PLD5: variants seen among roughly 807,000 people sequenced by gnomAD.
The protein encoded by PLD5 is phospholipase D family member 5.
A neutral mutation model predicts 61.1 loss-of-function variants in PLD5; 36 were observed. The ratio of observed to expected loss-of-function variants is 0.59; its 90% CI spans 0.45 to 0.78. The LOEUF is 0.78. Among genes scored for constraint, PLD5 ranks in the 30% least tolerant of loss-of-function variants. The pLI is 0.00. For synonymous variants in PLD5, 243 were observed against 242.8 expected (o/e 1.00, Z -0.01); for missense variants, 515 against 644.4 (o/e 0.80, Z 2.17).
At position 242,435,173 on chromosome 1, in the gene PLD5, T is replaced by C. The variant is rs1243968711; in HGVS notation, c.190-86931A>G. Among the ~76,000 whole-genome samples, 3 of 152,140 alleles carry C rather than the reference T, an allele frequency of 2.0e-5. 1 individual carries two copies. Among genetic ancestry groups the C allele is most frequent in the African/African-American group, 7.2e-5 (3 of 41,422 alleles). ...CCAAAGTATTCATGGATTTCCTATT[T>C]GCGAATTCACCTACTTGCCAAAATT... On this transcript the variant is annotated intron_variant, in intron 1 of 9. Coordinates refer to ENST00000536534, the MANE Select transcript of PLD5 (RefSeq NM_001372062.1).
intron 4 of PLD5, among the ~76,000 whole-genome samples, chr1:242,242,123 G>A (rs772752619): frequency 1.3e-5 from 2 of 150,952 alleles, no homozygotes; most frequent in Non-Finnish European, 2.9e-5. Flanking sequence ...AGTCATTTCC[G>A]TCAGTACCTC....
At chr1:242,459,293 C>T (rs1312912117) in intron 1 of PLD5, among the ~76,000 whole-genome samples, 1 of 152,200 alleles carries the variant, frequency 6.6e-6, no homozygotes, top group Non-Finnish European at 1.5e-5. Context: ...CATAAGCAAG[C>T]TAAAAGAACA....
At chr1:242,204,186 T>C (rs1030351521) in intron 5 of PLD5, among the ~76,000 whole-genome samples, 4 of 151,406 alleles carry the variant, frequency 2.6e-5, no homozygotes, top group African/African-American at 9.7e-5. Flanking sequence ...AAGCTTGCAG[T>C]GAGCTGAGAT....
intron 5 of PLD5, among the ~76,000 whole-genome samples, chr1:242,148,278 C>T (rs972986284): frequency 1.1e-5 from 1 of 94,798 alleles, no homozygotes; most frequent in African/African-American, 3.4e-5. Flanking sequence ...ATCGGCTTTG[C>T]ACCTTTGTTA....
intron 5 of PLD5, among the ~76,000 whole-genome samples, chr1:242,161,514 CTCTT>C (rs1665826573): frequency 6.6e-6 from 1 of 151,986 alleles, no homozygotes; most frequent in African/African-American, 2.4e-5. Flanking sequence ...ATGTATGTTT[CTCTT>C]TAAGTTTCCT....
At chr1:242,091,832 C>CTTTTTTTTTTTTTTTTT (rs750237371) in intron 9 of PLD5, among the ~76,000 whole-genome samples, 1 of 123,434 alleles carries the variant, frequency 8.1e-6, no homozygotes, top group Non-Finnish European at 1.7e-5. Flanking sequence ...TTCTTTTTTT[C>CTTTTTTTTTTTTTTTTT]TTTTTTTTTT....
chr1:242,168,848 T>TTTTTTTTTG (rs1491022517), intron 5 of PLD5, among the ~76,000 whole-genome samples: 3 of 70,098 alleles, frequency 4.3e-5, no homozygotes, highest in Admixed American at 1.4e-4. Context: ...TTAATGAAGT[T>TTTTTTTTTG]TTTTTTTTTT....
In PLD5 at chr1:242,083,210, C is replaced by T. The variant is rs1659330688; in HGVS notation, c.*6644G>A. 6.6e-6 allele frequency: 1 copy of T among 152,188 alleles called. No homozygotes were observed. Among genetic ancestry groups the T allele is most frequent in the South Asian group, 2.1e-4 (1 of 4,824 alleles). 9.4% of individuals were successfully genotyped at this position (152,188 alleles called of 1,614,324 possible). A position where few individuals can be genotyped will look rare whatever the true frequency, so the allele number is the denominator to read the frequency against. ...ATTACGGTGACTGTGTCTATTCTGGCTGTGCTTCCTATTCATCATTTACTT... is the reference window on the plus strand; with the variant it reads ...ATTACGGTGACTGTGTCTATTCTGGTTGTGCTTCCTATTCATCATTTACTT... On this transcript the variant is annotated 3_prime_UTR_variant, in exon 10 of 10. Coordinates refer to ENST00000536534, the MANE Select transcript of PLD5 (RefSeq NM_001372062.1).
At chr1:242,275,600 AAGG>A (rs1424537830) in intron 3 of PLD5, among the ~76,000 whole-genome samples, 2 of 152,212 alleles carry the variant, frequency 1.3e-5, no homozygotes, top group Non-Finnish European at 2.9e-5. Flanking sequence ...AGTGATATTC[AAGG>A]AGAATATGTA....
intron 5 of PLD5, among the ~76,000 whole-genome samples, chr1:242,135,651 C>T (rs1225509621): frequency 6.6e-6 from 1 of 151,888 alleles, no homozygotes; most frequent in Non-Finnish European, 1.5e-5. Context: ...ATAGGATGGG[C>T]CATTGGCATG....
intron 1 of PLD5, among the ~76,000 whole-genome samples, chr1:242,470,373 AG>A (rs1449067800): frequency 1.3e-4 from 10 of 75,070 alleles, no homozygotes; most frequent in African/African-American, 5.1e-4. Context: ...AAAGAAAGAA[AG>A]AAAGAAAAAA....
chr1:242,395,016 A>T (rs991867342), intron 1 of PLD5, among the ~76,000 whole-genome samples: 7 of 134,890 alleles, frequency 5.2e-5, no homozygotes, highest in Non-Finnish European at 7.7e-5. Context: ...AATATATATG[A>T]ATATATATGT....
chr1:242,201,485 T>A (rs1668985715), intron 5 of PLD5, among the ~76,000 whole-genome samples: 2 of 152,118 alleles, frequency 1.3e-5, no homozygotes, highest in South Asian at 4.1e-4. Flanking sequence ...TGATGGAGAC[T>A]CAGAGGGATC....
chr1:242,119,856 A>G (rs1662232570), intron 6 of PLD5, among the ~76,000 whole-genome samples: 1 of 152,214 alleles, frequency 6.6e-6, no homozygotes, highest in Non-Finnish European at 1.5e-5. Flanking sequence ...AGCTATTCAC[A>G]TAAAAACCTG....
chr1:242,454,787 C>T (rs576617014), intron 1 of PLD5, among the ~76,000 whole-genome samples: 7 of 152,226 alleles, frequency 4.6e-5, no homozygotes, highest in Non-Finnish European at 8.8e-5. Flanking sequence ...TAACAGAAAG[C>T]TTGAAGTTTG....
intron 4 of PLD5, among the ~76,000 whole-genome samples, chr1:242,223,022 C>A (rs79563943): frequency 0.088 from 13,399 of 152,184 alleles, 732 homozygotes; most frequent in East Asian, 0.16. Context: ...TCACAAAACA[C>A]CATACACAAC....
Position 242,097,158 on chromosome 1 carries a change from AT to A in PLD5, c.1354+3509del, listed in dbSNP as rs763499883. 2.7e-4 allele frequency among the ~76,000 whole-genome samples: 41 copies of A among 152,322 alleles called. No homozygotes were observed. The East Asian group carries it at 7.9e-3, about 29-fold the overall frequency. Reference sequence around the variant, plus strand: ...TTAATCCAGTCTATCATTGTTGGACATTTGGGTTGGTTCCAAGTCTTTGCTA... The same window carrying A: ...TTAATCCAGTCTATCATTGTTGGACATTGGGTTGGTTCCAAGTCTTTGCTA... On this transcript the variant is annotated intron_variant, in intron 9 of 9. Transcript: ENST00000536534.
intron 2 of PLD5, among the ~76,000 whole-genome samples, chr1:242,290,605 G>C (rs1276710785): frequency 6.6e-6 from 1 of 152,014 alleles, no homozygotes; most frequent in Non-Finnish European, 1.5e-5. Flanking sequence ...TGGAGAAACG[G>C]GAAATAGAAG....
At chr1:242,515,449 G>T (rs1018048333) in intron 1 of PLD5, among the ~76,000 whole-genome samples, 1 of 152,162 alleles carries the variant, frequency 6.6e-6, no homozygotes, top group Non-Finnish European at 1.5e-5. Flanking sequence ...CTGACCTCAG[G>T]TGATCCACCT....
Sources: allele counts gnomAD v4.1 joint callset (sites outside exome capture counted in the v4.1 genomes callset), GRCh38; gene constraint gnomAD v4.1.1; transcripts MANE v1.5; gene names NCBI Gene and HGNC (gene_info 2026-07-23, HGNC 2026-07-21).